Variants in ZNF407 observed in about 807,000 individuals in gnomAD.
ZNF407 encodes the protein zinc finger protein 407.
Under a neutral mutation model 131.2 loss-of-function variants are expected in ZNF407, and 17 were observed. That is an observed-to-expected ratio of 0.13 (90% CI 0.09 to 0.19). The LOEUF (loss-of-function observed/expected upper bound fraction) is 0.19. Among genes scored for constraint, ZNF407 ranks in the 10% least tolerant of loss-of-function variants. The probability of loss-of-function intolerance (pLI) is 1.00; values close to 1 mark genes in which losing one functional copy is unlikely to be tolerated. For missense variants in ZNF407, 2,681 were observed against 2,830.6 expected, an observed-to-expected ratio of 0.95 and a Z score of 1.20; for synonymous variants, 1,156 against 1,062.0, an observed-to-expected ratio of 1.09 and a Z score of -1.72.
chr18:74,922,498 G>C (rs1971859458), intron 8 of ZNF407, among the ~76,000 whole-genome samples: 1 of 152,134 alleles, frequency 6.6e-6, no homozygotes, highest in South Asian at 2.1e-4. Flanking sequence ...AAAGAAGACT[G>C]TAAATACTGT....
intron 7 of ZNF407, among the ~76,000 whole-genome samples, chr18:74,912,891 C>T (rs1266956020): frequency 1.3e-5 from 2 of 152,146 alleles, no homozygotes; most frequent in Non-Finnish European, 2.9e-5. Context: ...GAGCAAAAAT[C>T]TGAATGAGCA....
intron 8 of ZNF407, among the ~76,000 whole-genome samples, chr18:75,037,587 G>A (rs1973324266): frequency 1.3e-5 from 2 of 152,036 alleles, no homozygotes; most frequent in African/African-American, 4.8e-5. Flanking sequence ...GAGTTCCACA[G>A]AGCTAATGAA....
chr18:74,602,969 G>GGT (rs1318246189), intron 1 of ZNF407, among the ~76,000 whole-genome samples: 1 of 150,128 alleles, frequency 6.7e-6, no homozygotes, highest in Admixed American at 6.6e-5. Context: ...AGCATGCCCA[G>GGT]GTGTGTGGGG....
At position 74,958,823 on chromosome 18, in the gene ZNF407, CTCA is replaced by C. The variant is rs372256004; in HGVS notation, c.5428+38136_5428+38138del. ...AAGATTTTAGCAGAGGTCTTGGTTC[CTCA>C]TCATTTTCAGTGAGGAAGTCACTGG... On this transcript the variant is annotated intron_variant, in intron 8 of 8. Coordinates refer to ENST00000299687, the MANE Select transcript of ZNF407 (RefSeq NM_017757.3). 2.8e-3 allele frequency among the ~76,000 whole-genome samples: 420 copies of C among 152,268 alleles called. 2 individuals carry two copies. Among genetic ancestry groups the C allele is most frequent in the African/African-American group, 9.2e-3 (384 of 41,558 alleles).
At chr18:74,630,440 G>A (rs958554779) in intron 1 of ZNF407, among the ~76,000 whole-genome samples, 6 of 152,078 alleles carry the variant, frequency 3.9e-5, no homozygotes. Flanking sequence ...CAAAATCCTG[G>A]CACTACAGGT....
chr18:74,986,161 A>G (rs932511703), intron 8 of ZNF407, among the ~76,000 whole-genome samples: 10 of 152,222 alleles, frequency 6.6e-5, no homozygotes, highest in Non-Finnish European at 1.3e-4. Flanking sequence ...TTTCACCATA[A>G]GACAGACTTC....
chr18:74,740,042 G>A (rs1283054640), intron 3 of ZNF407, among the ~76,000 whole-genome samples: 2 of 152,174 alleles, frequency 1.3e-5, no homozygotes, highest in African/African-American at 2.4e-5. Context: ...CACATATGGG[G>A]TGTCTTCAAA....
At chr18:74,797,813 ATT>A (rs200887738) in intron 4 of ZNF407, among the ~76,000 whole-genome samples, 30 of 140,984 alleles carry the variant, frequency 2.1e-4, no homozygotes, top group Admixed American at 2.8e-4. Flanking sequence ...GCTGCAAGGC[ATT>A]TTTTTTTTTT....
chr18:74,690,321 A>G (rs867833781), intron 3 of ZNF407, among the ~76,000 whole-genome samples: 4 of 152,172 alleles, frequency 2.6e-5, no homozygotes, highest in African/African-American at 4.8e-5. Context: ...AATTAACCAC[A>G]TGGTTTCTTG....
At chr18:74,846,473 G>A (rs1212255832) in intron 4 of ZNF407, among the ~76,000 whole-genome samples, 1 of 151,312 alleles carries the variant, frequency 6.6e-6, no homozygotes, top group Non-Finnish European at 1.5e-5. Flanking sequence ...CTGAGTAGCT[G>A]GGATTACAGG....
At chr18:74,989,195 G>C (rs185778824) in intron 8 of ZNF407, among the ~76,000 whole-genome samples, 21 of 152,338 alleles carry the variant, frequency 1.4e-4, no homozygotes, top group Admixed American at 8.5e-4. Context: ...AGAGAAAGAA[G>C]TGAGACCCAA....
chr18:74,835,507 T>C (rs1970542711), intron 4 of ZNF407, among the ~76,000 whole-genome samples: 1 of 152,064 alleles, frequency 6.6e-6, no homozygotes, highest in African/African-American at 2.4e-5. Flanking sequence ...TAGGGGAGAT[T>C]TTGCTACATA....
chr18:74,785,902 G>T (rs1251201729), intron 4 of ZNF407, among the ~76,000 whole-genome samples: 1 of 151,446 alleles, frequency 6.6e-6, no homozygotes, highest in Non-Finnish European at 1.5e-5. Flanking sequence ...CACTCACATG[G>T]GACACACATG....
At chr18:74,887,172 T>A (rs556785811) in intron 6 of ZNF407, among the ~76,000 whole-genome samples, 1 of 152,342 alleles carries the variant, frequency 6.6e-6, no homozygotes, top group Non-Finnish European at 1.5e-5. Context: ...CTATTTTTTT[T>A]ATTACGCAGT....
At chr18:74,839,611 G>A (rs1156409303) in intron 4 of ZNF407, among the ~76,000 whole-genome samples, 2 of 152,166 alleles carry the variant, frequency 1.3e-5, no homozygotes, top group Non-Finnish European at 2.9e-5. Flanking sequence ...ATTTGTGTTT[G>A]ATTGAATAAC....
intron 4 of ZNF407, chr18:74,804,083 C>G: frequency 1.3e-6 from 2 of 1,549,916 alleles, no homozygotes; most frequent in Non-Finnish European, 1.7e-6. Context: ...ATGGGACCTG[C>G]AGTGGGAGGA....
chr18:74,852,201 ACG>A (rs769666279), intron 4 of ZNF407, among the ~76,000 whole-genome samples: 6,596 of 147,580 alleles, frequency 0.045, 189 homozygotes, highest in South Asian at 0.095. Flanking sequence ...ACACACACGC[ACG>A]CACGCACGCG....
At chr18:74,928,690 A>G (rs977284904) in intron 8 of ZNF407, among the ~76,000 whole-genome samples, 2 of 152,120 alleles carry the variant, frequency 1.3e-5, no homozygotes, top group Admixed American at 6.5e-5. Flanking sequence ...TGTTTTGTCA[A>G]TCTTAAGATC....
chr18:74,769,797 A>T (rs1002717458), intron 3 of ZNF407, among the ~76,000 whole-genome samples: 57 of 152,340 alleles, frequency 3.7e-4, no homozygotes, highest in African/African-American at 1.2e-3. Context: ...CTCAAACTCA[A>T]AAATAATATA....
Sources: gnomAD v4.1 joint callset for allele counts (sites outside exome capture counted in the v4.1 genomes callset) on GRCh38, gnomAD v4.1.1 for gene constraint, MANE v1.5 for transcripts, NCBI Gene and HGNC (gene_info 2026-07-23, HGNC 2026-07-21) for gene names.